The following DLG2 variants were observed in gnomAD, a reference collection of about 807,000 sequenced individuals.
The protein encoded by DLG2 is disks large homolog 2.
DLG2 carries 45 observed loss-of-function variants against 132.5 expected under a neutral mutation model. The observed-to-expected ratio is 0.34, with a 90% CI of 0.27 to 0.44. The LOEUF (loss-of-function observed/expected upper bound fraction) is 0.44, where lower values mean the gene tolerates loss of function less well. Among genes scored for constraint, DLG2 ranks in the 20% least tolerant of loss-of-function variants. The pLI, the probability that DLG2 is intolerant of heterozygous loss-of-function variation, is 1.00. For synonymous variants in DLG2, 424 were observed against 419.6 expected (o/e 1.01, Z -0.13); for missense variants, 1,045 against 1,196.9 (o/e 0.87, Z 1.87).
At chr11:83,473,113 A>G (rs1054429295) in intron 22 of DLG2, among the ~76,000 whole-genome samples, 1 of 152,162 alleles carries the variant, frequency 6.6e-6, no homozygotes, top group Non-Finnish European at 1.5e-5. Context: ...TAGTTCAAGG[A>G]AAGGGTCCAA....
At position 83,962,925 on chromosome 11, in the gene DLG2, G is replaced by T; in HGVS notation, c.1300C>A (p.Pro434Thr). ...TCAACAAGCATGTGCTTTGGAATTG[G>T]TGAGTACCTTCCTGGAGAGATGGGT... Reference protein sequence around the residue: ...LPPISPGRYSPIPKHMLVDDD... With the variant: ...LPPISPGRYSTIPKHMLVDDD... Residue 434 changes from proline (P) to threonine (T), a missense_variant, in exon 14 of 28, where the codon CCA becomes ACA. Physicochemically the swap from Pro to Thr is conservative, Grantham distance 38. Around this residue, in one of 4 missense-constraint regions of DLG2, gnomAD observed 261 missense variants for 256.1 expected, o/e 1.02. Transcript: ENST00000376104. 2 of 1,613,194 alleles carry T rather than the reference G, an allele frequency of 1.2e-6. No homozygotes were observed. The highest frequency in any genetic ancestry group is 1.7e-6 in the Non-Finnish European group (2 of 1,179,248).
At chr11:83,926,427 C>T (rs2078991333) in intron 15 of DLG2, among the ~76,000 whole-genome samples, 1 of 152,088 alleles carries the variant, frequency 6.6e-6, no homozygotes, top group Non-Finnish European at 1.5e-5. Flanking sequence ...TTCAAAAGCT[C>T]TGAACAAAAT....
chr11:84,728,723 AC>A (rs2062798448), intron 6 of DLG2, among the ~76,000 whole-genome samples: 1 of 151,918 alleles, frequency 6.6e-6, no homozygotes, highest in African/African-American at 2.4e-5. Flanking sequence ...CTGGTCTTGG[AC>A]TTTTTTTGGT....
At chr11:84,127,771 C>T (rs1217441021) in intron 9 of DLG2, among the ~76,000 whole-genome samples, 1 of 152,070 alleles carries the variant, frequency 6.6e-6, no homozygotes, top group Non-Finnish European at 1.5e-5. Context: ...TTCTTATGTG[C>T]GTATCTGTCT....
chr11:83,584,567 T>G (rs1469316319), intron 19 of DLG2, among the ~76,000 whole-genome samples: 2 of 152,206 alleles, frequency 1.3e-5, no homozygotes, highest in African/African-American at 4.8e-5. Flanking sequence ...CTCAGTGAAA[T>G]GAGGATTGTG....
chr11:83,890,848 G>C (rs2154085794), intron 15 of DLG2, among the ~76,000 whole-genome samples: 1 of 152,262 alleles, frequency 6.6e-6, no homozygotes, highest in South Asian at 2.1e-4. Context: ...CTAGAGCTAA[G>C]AATGGAATCT....
intron 5 of DLG2, among the ~76,000 whole-genome samples, chr11:85,140,588 C>T (rs1044658077): frequency 1.3e-5 from 2 of 151,420 alleles, no homozygotes; most frequent in African/African-American, 4.8e-5. Flanking sequence ...AGACACATTC[C>T]AATTCCAGTC....
chr11:83,769,508 G>A (rs951545235), intron 18 of DLG2, among the ~76,000 whole-genome samples: 3 of 151,916 alleles, frequency 2.0e-5, no homozygotes, highest in Admixed American at 1.3e-4. Flanking sequence ...CCTCTCCTGG[G>A]GATGGAGTGT....
chr11:85,351,697 G>T (rs1278837343), intron 3 of DLG2, among the ~76,000 whole-genome samples: 2 of 152,124 alleles, frequency 1.3e-5, no homozygotes, highest in African/African-American at 4.8e-5. Context: ...TTCTGTTTAC[G>T]TGATGGATTA....
intron 5 of DLG2, among the ~76,000 whole-genome samples, chr11:85,112,679 A>G (rs2072962565): frequency 6.6e-6 from 1 of 152,096 alleles, no homozygotes; most frequent in Non-Finnish European, 1.5e-5. Flanking sequence ...TAGGAGTATT[A>G]TGCTCACTTT....
chr11:84,228,807 T>C (rs904521709), intron 8 of DLG2, among the ~76,000 whole-genome samples: 5 of 152,202 alleles, frequency 3.3e-5, no homozygotes, highest in African/African-American at 1.2e-4. Flanking sequence ...GGCAGGCCAG[T>C]GTAGTACATT....
At position 84,312,633 on chromosome 11, in the gene DLG2, C is replaced by G. The variant is rs1350409509; in HGVS notation, c.520-61342G>C. 3.9e-5 allele frequency among the ~76,000 whole-genome samples: 6 copies of G among 152,148 alleles called. No homozygotes were observed. The East Asian group carries it at 1.2e-3, about 29-fold the overall frequency. ...TCATTGTGGTTATCTGCAGCACTCT[C>G]TGAAATTTTGCTTCGCTTCTAAGTT... is the stretch of plus-strand genomic sequence containing the variant. On this transcript the variant is annotated intron_variant, in intron 7 of 27. Transcript: ENST00000376104.
chr11:85,514,687 G>A (rs2094139903), intron 3 of DLG2, among the ~76,000 whole-genome samples: 1 of 151,872 alleles, frequency 6.6e-6, no homozygotes, highest in African/African-American at 2.4e-5. Context: ...TTTAAACAGA[G>A]TTGTTAAATA....
intron 6 of DLG2, among the ~76,000 whole-genome samples, chr11:84,873,056 A>G (rs1360954903): frequency 7.9e-5 from 12 of 152,206 alleles, no homozygotes; most frequent in Non-Finnish European, 1.8e-4. Context: ...CTATGTATCA[A>G]TTGCCAGAAC....
chr11:85,070,262 C>A (rs2065633500), intron 6 of DLG2, among the ~76,000 whole-genome samples: 1 of 151,314 alleles, frequency 6.6e-6, no homozygotes, highest in African/African-American at 2.4e-5. Context: ...TGTAACAAAC[C>A]TGCATGTTGT....
In DLG2 at chr11:83,532,928, T is replaced by TA. The variant is rs1038235121; in HGVS notation, c.2118-146dup. The TA allele has an allele frequency of 5.9e-5, 41 of 694,310 alleles. No homozygotes were observed. In the African/African-American group the frequency reaches 6.8e-4, roughly 11 times the overall value. 43.0% of individuals were successfully genotyped at this position (694,310 alleles called of 1,614,324 possible). On this transcript the variant is annotated intron_variant, in intron 20 of 27. Coordinates refer to ENST00000376104, the MANE Select transcript of DLG2 (RefSeq NM_001142699.3). ...AATATTTCTCTTCCTTTGTTCCATATAAAAAATCTTGGTACAAAGTCTCTA... is the reference window on the plus strand; with the variant it reads ...AATATTTCTCTTCCTTTGTTCCATATAAAAAAATCTTGGTACAAAGTCTCTA...
chr11:85,086,749 T>C (rs1172896144), intron 6 of DLG2, among the ~76,000 whole-genome samples: 1 of 152,182 alleles, frequency 6.6e-6, no homozygotes, highest in African/African-American at 2.4e-5. Flanking sequence ...GTCACGGGAT[T>C]TGACTCTTCT....
At chr11:83,939,040 T>G (rs767559603) in intron 14 of DLG2, among the ~76,000 whole-genome samples, 43 of 152,356 alleles carry the variant, frequency 2.8e-4, no homozygotes, top group Middle Eastern at 3.4e-3. Context: ...AGACTCACAA[T>G]GGATCATCGG....
At chr11:85,502,566 C>T (rs372318487) in intron 3 of DLG2, among the ~76,000 whole-genome samples, 20 of 152,012 alleles carry the variant, frequency 1.3e-4, no homozygotes, top group African/African-American at 4.8e-4. Flanking sequence ...AACCAAACAC[C>T]GCATGTTCTC....
Sources: allele counts gnomAD v4.1 joint callset (sites outside exome capture counted in the v4.1 genomes callset), GRCh38; gene constraint gnomAD v4.1.1; regional missense constraint gnomAD v4.1.1; transcripts MANE v1.5; gene names NCBI Gene and HGNC (gene_info 2026-07-23, HGNC 2026-07-21).